Variants in IMPG1 observed in about 807,000 individuals in gnomAD.
IMPG1 encodes interphotoreceptor matrix proteoglycan of 150 kDa.
A neutral mutation model predicts 92.0 loss-of-function variants in IMPG1; 85 were observed. The observed-to-expected ratio is 0.92, with a 90% CI of 0.78 to 1.11. IMPG1 has a LOEUF of 1.11. Among genes scored for constraint, IMPG1 ranks in the 50% least tolerant of loss-of-function variants. The probability of loss-of-function intolerance (pLI) is 0.00; values close to 1 mark genes in which losing one functional copy is unlikely to be tolerated. For missense variants in IMPG1, 1,022 were observed against 956.0 expected (o/e 1.07, Z -0.91); for synonymous variants, 367 against 334.1 (o/e 1.10, Z -1.08).
At chr6:76,006,844 A>G (rs998786151) in intron 9 of IMPG1, among the ~76,000 whole-genome samples, 1 of 152,112 alleles carries the variant, frequency 6.6e-6, no homozygotes, top group African/African-American at 2.4e-5. Context: ...CTCAGGAATT[A>G]GGTTTTACCT....
At chr6:75,966,514 C>T (rs1782310117) in intron 12 of IMPG1, among the ~76,000 whole-genome samples, 1 of 152,110 alleles carries the variant, frequency 6.6e-6, no homozygotes, top group Non-Finnish European at 1.5e-5. Flanking sequence ...ATTATGCAGC[C>T]CAAAGGCCCT....
intron 1 of IMPG1, among the ~76,000 whole-genome samples, chr6:76,043,284 T>C (rs752425513): frequency 1.3e-5 from 2 of 152,132 alleles, no homozygotes; most frequent in Non-Finnish European, 2.9e-5. Flanking sequence ...TATAGAGATT[T>C]ATAATCCCAT....
chr6:75,945,811 C>T (rs779573097), intron 14 of IMPG1, among the ~76,000 whole-genome samples: 1 of 152,174 alleles, frequency 6.6e-6, no homozygotes, highest in Non-Finnish European at 1.5e-5. Flanking sequence ...CACAGCTTCC[C>T]ACCCTCTTTC....
At chr6:75,995,560 T>G (rs1416409500) in intron 12 of IMPG1, among the ~76,000 whole-genome samples, 2 of 152,258 alleles carry the variant, frequency 1.3e-5, no homozygotes, top group Non-Finnish European at 2.9e-5. Flanking sequence ...GATCTCAGTT[T>G]AAACATTGTT....
intron 1 of IMPG1, among the ~76,000 whole-genome samples, chr6:76,058,319 T>A (rs2127597295): frequency 6.6e-6 from 1 of 152,294 alleles, no homozygotes; most frequent in Non-Finnish European, 1.5e-5. Flanking sequence ...ATACTTCAAA[T>A]GAAGTCAAAT....
chr6:76,002,209 G>A (rs1055275820), intron 12 of IMPG1, among the ~76,000 whole-genome samples: 1 of 152,122 alleles, frequency 6.6e-6, no homozygotes, highest in South Asian at 2.1e-4. Flanking sequence ...AGGGGTTCTT[G>A]GAGCCACTAA....
chr6:75,952,004 C>G lies in IMPG1; in HGVS notation c.1292-910G>C, dbSNP rs117231403. 3.3e-5 allele frequency among the ~76,000 whole-genome samples: 5 copies of G among 152,180 alleles called. No homozygotes were observed. The East Asian group carries it at 9.6e-4, about 29-fold the overall frequency. Reference sequence around the variant, plus strand: ...AACCTTTGCCACAGTTACATTATTACGCTCTGACAATTTCTACCACCATTT... The same window carrying G: ...AACCTTTGCCACAGTTACATTATTAGGCTCTGACAATTTCTACCACCATTT... On this transcript the variant is annotated intron_variant, in intron 12 of 16. Coordinates refer to ENST00000369950, the MANE Select transcript of IMPG1 (RefSeq NM_001563.4).
chr6:76,044,861 T>C (rs1783909251), intron 1 of IMPG1, among the ~76,000 whole-genome samples: 1 of 152,132 alleles, frequency 6.6e-6, no homozygotes, highest in South Asian at 2.1e-4. Context: ...AATATCCAGG[T>C]TCACTGACAG....
chr6:75,926,294 C>T (rs1781548557), intron 15 of IMPG1, among the ~76,000 whole-genome samples: 1 of 152,090 alleles, frequency 6.6e-6, no homozygotes, highest in South Asian at 2.1e-4. Flanking sequence ...ATATAAAATT[C>T]CAACCCCTTC....
chr6:76,030,067 C>T (rs1022085850), intron 4 of IMPG1, among the ~76,000 whole-genome samples: 10 of 152,132 alleles, frequency 6.6e-5, no homozygotes, highest in Non-Finnish European at 1.2e-4. Context: ...TGATTCCTGT[C>T]GATTAAGCCA....
chr6:76,022,718 A>T (rs979507550), intron 5 of IMPG1, among the ~76,000 whole-genome samples: 1 of 152,208 alleles, frequency 6.6e-6, no homozygotes, highest in Non-Finnish European at 1.5e-5. Context: ...AACCATTTCA[A>T]ATATGTGGCA....
intron 5 of IMPG1, among the ~76,000 whole-genome samples, chr6:76,022,621 G>A (rs1055422090): frequency 1.3e-5 from 2 of 152,090 alleles, no homozygotes; most frequent in Non-Finnish European, 2.9e-5. Context: ...CAATCATTGA[G>A]GAATAAGATT....
rs537823323 is a variant in IMPG1, at chr6:75,921,531, G to C, written c.*558C>G. ...AGTCTACTATGTAAGCAGTAGTTGC[G>C]TATAAAACTAGTGTGCCTAATAACT... On this transcript the variant is annotated 3_prime_UTR_variant, in exon 17 of 17. Transcript: ENST00000369950. The C allele has an allele frequency of 1.3e-5, 2 of 152,624 alleles. No homozygotes were observed. The highest frequency in any genetic ancestry group is 4.8e-5 in the African/African-American group (2 of 41,452). The allele number at this position is 152,624 out of a possible 1,614,324, so 9.5% of individuals were successfully genotyped here.
chr6:75,952,231 GC>G (rs1161042381), intron 12 of IMPG1, among the ~76,000 whole-genome samples: 1 of 152,182 alleles, frequency 6.6e-6, no homozygotes, highest in African/African-American at 2.4e-5. Flanking sequence ...AAAACAGGGA[GC>G]TTTTTGTGAT....
intron 12 of IMPG1, among the ~76,000 whole-genome samples, chr6:75,956,803 C>T (rs1164301667): frequency 6.6e-6 from 1 of 152,162 alleles, no homozygotes; most frequent in East Asian, 1.9e-4. Context: ...TCTTTGTTCT[C>T]ATTGGTTTCA....
chr6:76,066,918 A>T (rs1784319375), intron 1 of IMPG1, among the ~76,000 whole-genome samples: 1 of 152,160 alleles, frequency 6.6e-6, no homozygotes, highest in Non-Finnish European at 1.5e-5. Context: ...ATGTAAGTAC[A>T]TGGAAAGAAA....
chr6:75,979,406 C>T (rs1306661356), intron 12 of IMPG1, among the ~76,000 whole-genome samples: 1 of 152,144 alleles, frequency 6.6e-6, no homozygotes, highest in African/African-American at 2.4e-5. Flanking sequence ...AGTGCTGAAC[C>T]TTTGTGAATT....
At chr6:76,024,218 T>C (rs1030493433) in intron 5 of IMPG1, among the ~76,000 whole-genome samples, 5 of 152,188 alleles carry the variant, frequency 3.3e-5, no homozygotes, top group Non-Finnish European at 7.4e-5. Context: ...TGAATGTCAG[T>C]AAAGGAAGAA....
Position 75,924,553 on chromosome 6 carries a change from A to AGTTAT in IMPG1, c.2244-848_2244-847insATAAC, listed in dbSNP as rs1274491286. On this transcript the variant is annotated intron_variant, in intron 15 of 16. Transcript: ENST00000369950. ...TATAATATAATTATATAATATAATT[A>AGTTAT]ATATAATTATATATTATATATAATT... Among the ~76,000 whole-genome samples the AGTTAT allele has an allele frequency of 2.8e-4, 10 of 35,830 alleles. 2 individuals are homozygous for AGTTAT. The Admixed American group carries it at 3.9e-3, about 14-fold the overall frequency. The allele number at this position is 35,830 out of a possible 152,430, so 23.5% of individuals were successfully genotyped here.
Sources: allele counts gnomAD v4.1 joint callset (sites outside exome capture counted in the v4.1 genomes callset), GRCh38; gene constraint gnomAD v4.1.1; transcripts MANE v1.5; gene names NCBI Gene and HGNC (gene_info 2026-07-23, HGNC 2026-07-21).